REDIC1: variants seen among roughly 807,000 people sequenced by gnomAD.
REDIC1 encodes regulator of DNA class I crossover intermediates 1, also known as HEI10 Interacting Protein 1.
the REDIC1 span, among the ~76,000 whole-genome samples, chr12:39,902,619 G>A: frequency 6.6e-6 from 1 of 151,998 alleles, no homozygotes; most frequent in African/African-American, 2.4e-5. Context: ...TCTAGAAAAA[G>A]ATGTGTCTAA....
At chr12:39,781,334 C>T in the REDIC1 span, among the ~76,000 whole-genome samples, 2 of 152,090 alleles carry the variant, frequency 1.3e-5, no homozygotes, top group Admixed American at 6.5e-5. Flanking sequence ...ACTGTCACAC[C>T]CAGTCTCCTA....
the REDIC1 span, chr12:39,788,643 A>T: frequency 6.6e-6 from 1 of 152,220 alleles, no homozygotes; most frequent in African/African-American, 2.4e-5. Flanking sequence ...CAGTACATCA[A>T]ATGGACCAAT....
the REDIC1 span, among the ~76,000 whole-genome samples, chr12:39,692,878 A>T: frequency 2.0e-5 from 3 of 152,072 alleles, no homozygotes; most frequent in African/African-American, 7.2e-5. Flanking sequence ...TTATTTTCCT[A>T]AATGGTTATT....
At chr12:39,891,756 A>AG in the REDIC1 span, among the ~76,000 whole-genome samples, 1 of 152,216 alleles carries the variant, frequency 6.6e-6, no homozygotes, top group Admixed American at 6.5e-5. Context: ...ATCAGGGCTC[A>AG]GTCCCCTAAA....
the REDIC1 span, chr12:39,720,789 A>G: frequency 2.5e-6 from 4 of 1,602,320 alleles, no homozygotes; most frequent in Non-Finnish European, 3.4e-6. Flanking sequence ...CTTTTTAGCC[A>G]TCTGAAGATG....
At chr12:39,842,989 C>T in the REDIC1 span, among the ~76,000 whole-genome samples, 1 of 151,784 alleles carries the variant, frequency 6.6e-6, no homozygotes, top group Non-Finnish European at 1.5e-5. Context: ...GGATATATCA[C>T]ACTTCATGTA....
chr12:39,789,892 T>A, the REDIC1 span, among the ~76,000 whole-genome samples: 3 of 152,132 alleles, frequency 2.0e-5, no homozygotes, highest in South Asian at 6.2e-4. Flanking sequence ...TTTGCCTATT[T>A]CTGATTGGTT....
the REDIC1 span, among the ~76,000 whole-genome samples, chr12:39,868,208 T>C: frequency 7.2e-5 from 11 of 152,204 alleles, no homozygotes; most frequent in Admixed American, 7.2e-4. Flanking sequence ...TTTTGGCATG[T>C]TCTTTATGTT....
At chr12:39,672,817 G>A in the REDIC1 span, among the ~76,000 whole-genome samples, 2 of 152,134 alleles carry the variant, frequency 1.3e-5, no homozygotes, top group African/African-American at 4.8e-5. Context: ...TAGATGCAAG[G>A]GTTTTTTGGG....
At chr12:39,711,487 ATGTATATAAG>A in the REDIC1 span, among the ~76,000 whole-genome samples, 1 of 144,238 alleles carries the variant, frequency 6.9e-6, no homozygotes, top group African/African-American at 2.5e-5. Flanking sequence ...ATGTGTATAT[ATGTATATAAG>A]TATGTATATA....
the REDIC1 span, among the ~76,000 whole-genome samples, chr12:39,893,966 T>C: frequency 6.6e-6 from 1 of 152,212 alleles, no homozygotes; most frequent in African/African-American, 2.4e-5. Flanking sequence ...GTAACACAGA[T>C]GCTGAAAAAA....
At chr12:39,867,523 T>C in the REDIC1 span, among the ~76,000 whole-genome samples, 2 of 152,034 alleles carry the variant, frequency 1.3e-5, no homozygotes. Flanking sequence ...GAGGTTAGTA[T>C]GGTACAACTA....
chr12:39,761,857 A>G, the REDIC1 span, among the ~76,000 whole-genome samples: 1 of 152,114 alleles, frequency 6.6e-6, no homozygotes, highest in Non-Finnish European at 1.5e-5. Flanking sequence ...TTTTAAATAT[A>G]ATAGTATATT....
the REDIC1 span, among the ~76,000 whole-genome samples, chr12:39,799,453 G>T: frequency 1.6e-5 from 1 of 63,428 alleles, no homozygotes; most frequent in Non-Finnish European, 4.5e-5. Context: ...TCTACACGGC[G>T]CACTTTTACA....
chr12:39,831,969 T>A, the REDIC1 span, among the ~76,000 whole-genome samples: 1 of 152,158 alleles, frequency 6.6e-6, no homozygotes, highest in South Asian at 2.1e-4. Context: ...AAAAACAGAC[T>A]AACACAACTG....
At chr12:39,643,338 C>T in the REDIC1 span, among the ~76,000 whole-genome samples, 1 of 150,194 alleles carries the variant, frequency 6.7e-6, no homozygotes, top group East Asian at 1.9e-4. Context: ...TTAATTTGCA[C>T]ATAGCTTTTT....
the REDIC1 span, among the ~76,000 whole-genome samples, chr12:39,766,884 T>C: frequency 6.6e-6 from 1 of 152,114 alleles, no homozygotes; most frequent in African/African-American, 2.4e-5. Context: ...GTTCTCTTGC[T>C]GTTTTCCACT....
chr12:39,771,952 C>CTCTT, the REDIC1 span, among the ~76,000 whole-genome samples: 1 of 152,120 alleles, frequency 6.6e-6, no homozygotes, highest in East Asian at 1.9e-4. Flanking sequence ...TGAAGGCAAA[C>CTCTT]TCTTACTCTT....
chr12:39,701,459 A>G, the REDIC1 span, among the ~76,000 whole-genome samples: 3 of 152,192 alleles, frequency 2.0e-5, no homozygotes, highest in African/African-American at 7.2e-5. Flanking sequence ...GTGACCTACA[A>G]AGAGACGTAG....
Sources: gnomAD v4.1 joint callset for allele counts (sites outside exome capture counted in the v4.1 genomes callset) on GRCh38, gnomAD v4.1.1 for gene constraint, MANE v1.5 for transcripts, NCBI Gene and HGNC (gene_info 2026-07-23, HGNC 2026-07-21) for gene names.